PPP6R3: variants seen among roughly 807,000 people sequenced by gnomAD.
PPP6R3 encodes serine/threonine-protein phosphatase 6 regulatory subunit 3.
PPP6R3 carries 38 observed loss-of-function variants against 110.7 expected under a neutral mutation model. The ratio of observed to expected loss-of-function variants is 0.34; its 90% CI spans 0.26 to 0.45. The LOEUF (loss-of-function observed/expected upper bound fraction) is 0.45. Ranked by LOEUF, PPP6R3 falls within the 20% of genes least tolerant of loss-of-function variation. The pLI is 1.00. For missense variants in PPP6R3, 870 were observed against 1,062.4 expected (o/e 0.82, Z 2.52); for synonymous variants, 369 against 373.5 (o/e 0.99, Z 0.14).
intron 15 of PPP6R3, chr11:68,587,717 A>G: frequency 4.7e-6 from 3 of 636,058 alleles, no homozygotes; most frequent in South Asian, 1.8e-5. Context: ...TGACATGTGC[A>G]TTAGAATGAT....
intron 1 of PPP6R3, among the ~76,000 whole-genome samples, chr11:68,475,675 G>A (rs1201614274): frequency 3.4e-5 from 5 of 148,538 alleles, no homozygotes; most frequent in East Asian, 2.0e-4. Flanking sequence ...CTGGCCGGGC[G>A]GGGGCTGCCC....
At chr11:68,541,830 G>C (rs537308586) in intron 3 of PPP6R3, among the ~76,000 whole-genome samples, 1 of 152,198 alleles carries the variant, frequency 6.6e-6, no homozygotes, top group Admixed American at 6.5e-5. Flanking sequence ...TCAGGAAGGA[G>C]GGGGGACAGT....
intron 15 of PPP6R3, chr11:68,587,673 A>G: frequency 1.9e-6 from 1 of 539,430 alleles, no homozygotes; most frequent in South Asian, 2.0e-5. Flanking sequence ...AATTCACAAT[A>G]GAGGACAGAG....
At chr11:68,469,997 C>CT (rs562545320) in intron 1 of PPP6R3, among the ~76,000 whole-genome samples, 35 of 152,184 alleles carry the variant, frequency 2.3e-4, no homozygotes, top group East Asian at 1.2e-3. Context: ...TCACTTTGTT[C>CT]TTTTTTTGCC....
chr11:68,489,940 C>T (rs574401652), intron 1 of PPP6R3, among the ~76,000 whole-genome samples: 9 of 152,014 alleles, frequency 5.9e-5, no homozygotes, highest in Non-Finnish European at 1.0e-4. Context: ...CTTATAAGCA[C>T]GCATAAATAC....
chr11:68,590,519 A>G (rs2099591813), intron 16 of PPP6R3, 141 bp from the exon 17 acceptor site: 3 of 916,832 alleles, frequency 3.3e-6, no homozygotes, highest in East Asian at 2.8e-5. Context: ...TTAATATAAG[A>G]AGGTTGTTTC....
At chr11:68,569,670 C>T in intron 10 of PPP6R3, 78 bp from the exon 11 acceptor site, 1 of 1,241,572 alleles carries the variant, frequency 8.1e-7, no homozygotes, top group Non-Finnish European at 1.1e-6. Context: ...TTTATTAAAT[C>T]ACTGTTCTGT....
At chr11:68,464,001 C>T (rs2098727306) in intron 1 of PPP6R3, among the ~76,000 whole-genome samples, 1 of 152,186 alleles carries the variant, frequency 6.6e-6, no homozygotes, top group Non-Finnish European at 1.5e-5. Flanking sequence ...AGCAACACTG[C>T]TGAGGTTGAG....
rs765314009 is a variant in PPP6R3, at chr11:68,601,984, G to A, written c.2299+15G>A. ...GCAGCCAGAAGGTGCGTGCAGAGAG[G>A]CCTGGGTACACGCCAGGGTCACGTG... On this transcript the variant is annotated intron_variant, in intron 21 of 23. Transcript: ENST00000393800. The A allele has an allele frequency of 1.1e-5, 18 of 1,592,138 alleles. No individual in the cohort carries two copies. Among genetic ancestry groups the A allele is most frequent in the Non-Finnish European group, 1.5e-5 (18 of 1,165,778 alleles).
intron 15 of PPP6R3, chr11:68,586,201 G>A (rs958286133): frequency 6.6e-6 from 1 of 152,154 alleles, no homozygotes; most frequent in Non-Finnish European, 1.5e-5. Context: ...TAAACTCAGA[G>A]CGTGGTTCAT....
chr11:68,511,173 A>C (rs553521006), intron 1 of PPP6R3, among the ~76,000 whole-genome samples: 76 of 149,238 alleles, frequency 5.1e-4, no homozygotes, highest in African/African-American at 1.8e-3. Flanking sequence ...GTTCAAGCGA[A>C]TCTCCTGCCT....
chr11:68,506,660 A>G (rs376793165), intron 1 of PPP6R3, among the ~76,000 whole-genome samples: 2 of 152,098 alleles, frequency 1.3e-5, no homozygotes, highest in East Asian at 1.9e-4. Flanking sequence ...GCTATGCACT[A>G]TATCTCAAAG....
chr11:68,570,323 T>C (rs1378884783), intron 11 of PPP6R3, among the ~76,000 whole-genome samples: 2 of 152,180 alleles, frequency 1.3e-5, no homozygotes, highest in African/African-American at 2.4e-5. Context: ...TGGGGTCTCT[T>C]TTTCTCTTCT....
At chr11:68,530,665 C>A (rs1037653458) in intron 2 of PPP6R3, among the ~76,000 whole-genome samples, 1 of 152,174 alleles carries the variant, frequency 6.6e-6, no homozygotes, top group Non-Finnish European at 1.5e-5. Flanking sequence ...TGTGCAGTCT[C>A]GCATGCTCAG....
chr11:68,486,124 A>G (rs1178185681), intron 1 of PPP6R3, among the ~76,000 whole-genome samples: 1 of 151,916 alleles, frequency 6.6e-6, no homozygotes, highest in East Asian at 1.9e-4. Context: ...GTTGTGGTAT[A>G]TAATTTTTTA....
chr11:68,529,434 G>C (rs2099223452), intron 2 of PPP6R3, among the ~76,000 whole-genome samples: 1 of 152,124 alleles, frequency 6.6e-6, no homozygotes, highest in South Asian at 2.1e-4. Context: ...GGCCAGGCTG[G>C]TCTTGAACTC....
At chr11:68,597,135 T>C (rs1457732874) in intron 19 of PPP6R3, among the ~76,000 whole-genome samples, 1 of 152,204 alleles carries the variant, frequency 6.6e-6, no homozygotes, top group Non-Finnish European at 1.5e-5. Flanking sequence ...GGCCTGTAAC[T>C]GTGAACGGGC....
intron 1 of PPP6R3, among the ~76,000 whole-genome samples, chr11:68,478,602 A>G (rs565283097): frequency 1.2e-4 from 15 of 130,054 alleles, no homozygotes; most frequent in Non-Finnish European, 1.9e-4. Flanking sequence ...GCTAAATTAT[A>G]GTTTATAATT....
chr11:68,599,374 C>G (rs2099623691), intron 19 of PPP6R3, among the ~76,000 whole-genome samples: 1 of 152,214 alleles, frequency 6.6e-6, no homozygotes, highest in African/African-American at 2.4e-5. Flanking sequence ...GAGAGACCTG[C>G]AGATTAGACC....
Sources: gnomAD v4.1 joint callset for allele counts (sites outside exome capture counted in the v4.1 genomes callset) on GRCh38, gnomAD v4.1.1 for gene constraint, MANE v1.5 for transcripts, NCBI Gene and HGNC (gene_info 2026-07-23, HGNC 2026-07-21) for gene names.